SLC41A1: variants seen among roughly 807,000 people sequenced by gnomAD.
SLC41A1 encodes the protein solute carrier family 41 member 1, also known as solute carrier family 41 (magnesium transporter), member 1.
SLC41A1 carries 20 observed loss-of-function variants against 47.3 expected under a neutral mutation model. The observed-to-expected ratio is 0.42, with a 90% CI of 0.30 to 0.61. The LOEUF is 0.61. Ranked by LOEUF, SLC41A1 falls within the 20% of genes least tolerant of loss-of-function variation. The pLI is 0.17. For synonymous variants in SLC41A1, 282 were observed against 272.7 expected (o/e 1.03, Z -0.34); for missense variants, 504 against 674.1 (o/e 0.75, Z 2.79).
chr1:205,805,126 G>C (rs2102508625), intron 2 of SLC41A1, among the ~76,000 whole-genome samples: 1 of 152,228 alleles, frequency 6.6e-6, no homozygotes, highest in East Asian at 1.9e-4. Context: ...AGCAGTCACA[G>C]TAACAGCCCC....
intron 8 of SLC41A1, 167 bp downstream of exon 8, chr1:205,796,757 G>T: frequency 2.8e-6 from 2 of 704,344 alleles, no homozygotes; most frequent in Non-Finnish European, 2.5e-6. Context: ...CTTTTACTCT[G>T]CTCCCACCTC....
Position 205,812,999 on chromosome 1 carries a change from T to C in SLC41A1, c.-838A>G. 1.0e-6 allele frequency: 1 copy of C among 985,568 alleles called. No homozygotes were observed. The highest frequency in any genetic ancestry group is 1.2e-6 in the Non-Finnish European group (1 of 830,026). The allele number at this position is 985,568 out of a possible 1,614,324, so 61.1% of individuals were successfully genotyped here. A position where few individuals can be genotyped will look rare whatever the true frequency, so the allele number is the denominator to read the frequency against. Reference sequence around the variant, plus strand: ...CACCCGGCTCGCTACATTTCGCTTCTGCGTTACAGCGAGGCCGCCGCTCCG... The same window carrying C: ...CACCCGGCTCGCTACATTTCGCTTCCGCGTTACAGCGAGGCCGCCGCTCCG... On this transcript the variant is annotated 5_prime_UTR_variant, in exon 1 of 11. Coordinates refer to ENST00000367137, the MANE Select transcript of SLC41A1 (RefSeq NM_173854.6).
At position 205,810,290 on chromosome 1, in the gene SLC41A1, A is replaced by C; in HGVS notation, c.152T>G (p.Ile51Ser). The C allele has an allele frequency of 6.2e-7, 1 of 1,614,106 alleles. No homozygotes were observed. The highest frequency in any genetic ancestry group is 8.5e-7 in the Non-Finnish European group (1 of 1,180,008). ...GPDGAGVEVVIESRANAKGVR... is the reference protein window; with the variant it reads ...GPDGAGVEVVSESRANAKGVR... ...CCCCTTGGCGTTGGCCCGAGACTCA[A>C]TCACCACCTCTACCCCAGCCCCATC... is the stretch of plus-strand genomic sequence containing the variant. The change falls in exon 2 of 11, where the codon ATT becomes AGT. Residue 51 changes from isoleucine (I) to serine (S), a missense_variant. Physicochemically the swap from Ile to Ser is moderately radical, Grantham distance 142. Transcript: ENST00000367137. This position sits in a 1 kb window ranked among gnomAD's most constrained non-coding sequence, Gnocchi z 5.5.
intron 2 of SLC41A1, among the ~76,000 whole-genome samples, chr1:205,807,171 T>G (rs1558083259): frequency 6.6e-6 from 1 of 152,140 alleles, no homozygotes; most frequent in Non-Finnish European, 1.5e-5. Flanking sequence ...TCAGTCCCCC[T>G]TTTACTCCCA....
At chr1:205,794,736 G>T in intron 10 of SLC41A1, 134 bp downstream of exon 10, 1 of 1,195,462 alleles carries the variant, frequency 8.4e-7, no homozygotes, top group Non-Finnish European at 1.2e-6. Context: ...CTGCACCCTT[G>T]TCTGGTGTTT....
chr1:205,796,899 C>T (rs1454994270), intron 8 of SLC41A1, 25 bp downstream of exon 8: 1 of 1,607,392 alleles, frequency 6.2e-7, no homozygotes, highest in African/African-American at 1.3e-5. Context: ...GCCCTGCCCT[C>T]TGATAGCTGA....
At chr1:205,812,762 C>G in intron 1 of SLC41A1, 46 bp downstream of exon 1, 1 of 986,100 alleles carries the variant, frequency 1.0e-6, no homozygotes, top group Non-Finnish European at 1.2e-6. Context: ...CCAGGACTGC[C>G]GCCCTCCACC....
chr1:205,794,306 C>CT (rs1238902648), intron 10 of SLC41A1, among the ~76,000 whole-genome samples: 3 of 151,904 alleles, frequency 2.0e-5, no homozygotes, highest in Non-Finnish European at 2.9e-5. Flanking sequence ...ATTTCTGAAC[C>CT]TTTTTTTTGA....
At chr1:205,811,676 C>T (rs889494212) in intron 1 of SLC41A1, among the ~76,000 whole-genome samples, 27 of 152,226 alleles carry the variant, frequency 1.8e-4, no homozygotes, top group Non-Finnish European at 3.8e-4. Context: ...GCTAGGAGGA[C>T]TCCCTGGGCA....
intron 9 of SLC41A1, 108 bp downstream of exon 9, chr1:205,795,236 C>G (rs1655717955): frequency 1.3e-6 from 2 of 1,559,212 alleles, no homozygotes; most frequent in African/African-American, 2.7e-5. Context: ...CACAGCCCAG[C>G]AGAGAAGGAG....
chr1:205,799,744 T>C lies in SLC41A1; in HGVS notation c.552+15A>G, dbSNP rs1558080913. The C allele has an allele frequency of 1.2e-6, 2 of 1,613,896 alleles. No individual in the cohort carries two copies. The highest frequency in any genetic ancestry group is 4.5e-5 in the East Asian group (2 of 44,876). ...GGGAAGCTTAGCCCACCCTCTCTGGTCCCTGCCTTCTTACCTGGATGAGGG... is the reference window on the plus strand; with the variant it reads ...GGGAAGCTTAGCCCACCCTCTCTGGCCCCTGCCTTCTTACCTGGATGAGGG... On this transcript the variant is annotated intron_variant, in intron 4 of 10. Transcript: ENST00000367137.
At chr1:205,799,593 C>T (rs753038411) in intron 4 of SLC41A1, among the ~76,000 whole-genome samples, 166 bp downstream of exon 4, 4 of 152,074 alleles carry the variant, frequency 2.6e-5, no homozygotes, top group Non-Finnish European at 4.4e-5. Context: ...TCATCTTGGG[C>T]GTTTTCCTGG....
rs1032281372 is a variant in SLC41A1 at position 205,813,083 on chromosome 1, G to T, written c.-922C>A. 4.1e-6 allele frequency: 4 copies of T among 985,380 alleles called. No homozygotes were observed. Among genetic ancestry groups the T allele is most frequent in the African/African-American group, 3.5e-5 (2 of 57,250 alleles). 61.0% of individuals were successfully genotyped at this position (985,380 alleles called of 1,614,324 possible). A position where few individuals can be genotyped will look rare whatever the true frequency, so the allele number is the denominator to read the frequency against. ...GATATATCGCTTCGGGCCCGGCGGGGGGGCACCCGGACGGGGGACCGGGGA... is the reference window on the plus strand; with the variant it reads ...GATATATCGCTTCGGGCCCGGCGGGTGGGCACCCGGACGGGGGACCGGGGA... On this transcript the variant is annotated 5_prime_UTR_variant, in exon 1 of 11. Transcript: ENST00000367137.
intron 7 of SLC41A1, among the ~76,000 whole-genome samples, chr1:205,797,472 C>T (rs751123523): frequency 8.5e-5 from 13 of 152,336 alleles, no homozygotes; most frequent in South Asian, 2.1e-4. Context: ...CCCAAGGCCA[C>T]GCTGACTGGT....
At position 205,796,993 on chromosome 1, in the gene SLC41A1, G is replaced by A; in HGVS notation, c.1003C>T (p.Leu335Phe). 1 of 1,612,182 alleles carries A rather than the reference G, an allele frequency of 6.2e-7. No homozygotes were observed. Among genetic ancestry groups the A allele is most frequent in the Non-Finnish European group, 8.5e-7 (1 of 1,179,490 alleles). ...IAMAISSVGG[L>F]ILDKTVSDPN... ...TCTGAGACAGTCTTGTCCAAGATGA[G>A]GCCTCCCACACTATAGAGACATAAA... is the stretch of plus-strand genomic sequence containing the variant. Residue 335 changes from leucine to phenylalanine, a missense_variant, in exon 8 of 11, where the codon CTC (leucine) becomes TTC (phenylalanine). Physicochemically the swap from Leu to Phe is conservative, Grantham distance 22. Transcript: ENST00000367137.
At chr1:205,795,834 T>G in intron 8 of SLC41A1, 1 of 388,148 alleles carries the variant, frequency 2.6e-6, no homozygotes, top group Non-Finnish European at 4.9e-6. Flanking sequence ...GCACCTGCCT[T>G]CCTACACAGC....
Position 205,797,984 on chromosome 1 carries a change from C to G in SLC41A1, c.912G>C (p.Val304=), listed in dbSNP as rs756763135. The G allele has an allele frequency of 1.9e-6, 3 of 1,614,026 alleles. No individual in the cohort carries two copies. In the African/African-American group the frequency reaches 4.0e-5, roughly 22 times the overall value. Residue 304 remains valine, a synonymous_variant, in exon 7 of 11, where the codon GTG becomes GTC. Coordinates refer to ENST00000367137, the MANE Select transcript of SLC41A1 (RefSeq NM_173854.6). ...TTGTGGCTGGACTTCGTCGGGCCAGCACCACCCAGACAGGCAGCAGGGCCA... is the reference window on the plus strand; with the variant it reads ...TTGTGGCTGGACTTCGTCGGGCCAGGACCACCCAGACAGGCAGCAGGGCCA... The part of the protein sequence containing the change: ...FFVALLPVWV[V]LARRSPATRE...
chr1:205,797,013 C>A lies in SLC41A1; in HGVS notation c.993-10G>T. On this transcript the variant is annotated splice_polypyrimidine_tract_variant and intron_variant, in intron 7 of 10. Coordinates refer to ENST00000367137, the MANE Select transcript of SLC41A1 (RefSeq NM_173854.6). ...GATGAGGCCTCCCACACTATAGAGA[C>A]ATAAAGACAAAATGACGCAAAGACC... The A allele has an allele frequency of 6.3e-7, 1 of 1,575,616 alleles. No homozygotes were observed.
Position 205,810,382 on chromosome 1 carries a change from G to A in SLC41A1, c.60C>T (p.Ala20=). 1 of 1,614,214 alleles carries A rather than the reference G, an allele frequency of 6.2e-7. No homozygotes were observed. Among genetic ancestry groups the A allele is most frequent in the South Asian group, 1.1e-5 (1 of 91,086 alleles). The change falls in exon 2 of 11, where the codon GCC becomes GCT. Residue 20 remains alanine, a synonymous_variant. Coordinates refer to ENST00000367137, the MANE Select transcript of SLC41A1 (RefSeq NM_173854.6). This position sits in a 1 kb window ranked among gnomAD's most constrained non-coding sequence, Gnocchi z 5.5. ...CTGGGCCATCTGAAGAGCAGGGAGA[G>A]GCAGAAGGGCCAGTCCCGTTCAGTT... ...VHQLNGTGPS[A]SPCSSDGPGR... is the part of the protein sequence containing the mutation.
Sources: allele counts gnomAD v4.1 joint callset (sites outside exome capture counted in the v4.1 genomes callset), GRCh38; gene constraint gnomAD v4.1.1; non-coding constraint Gnocchi (gnomAD v3.1); transcripts MANE v1.5; gene names NCBI Gene and HGNC (gene_info 2026-07-23, HGNC 2026-07-21).